DISP1: variants seen among roughly 807,000 people sequenced by gnomAD.
The protein encoded by DISP1 is dispatched RND transporter family member 1, also known as protein dispatched homolog 1.
Under a neutral mutation model 37.3 loss-of-function variants are expected in DISP1, and 30 were observed. The observed-to-expected ratio is 0.80, with a 90% CI of 0.60 to 1.09. DISP1 has a LOEUF of 1.09. Among genes scored for constraint, DISP1 ranks in the 50% least tolerant of loss-of-function variants. DISP1 has a pLI of 0.00. For missense variants in DISP1, 1,598 were observed against 1,879.5 expected (o/e 0.85, Z 2.77); for synonymous variants, 634 against 690.2 (o/e 0.92, Z 1.28).
At chr1:222,996,167 G>A (rs1679055213) in intron 8 of DISP1, among the ~76,000 whole-genome samples, 1 of 152,096 alleles carries the variant, frequency 6.6e-6, no homozygotes, top group African/African-American at 2.4e-5. Context: ...TTTCTTAATT[G>A]GTGATCAATT....
intron 3 of DISP1, chr1:222,946,040 G>C (rs1201227319): frequency 6.6e-6 from 1 of 152,010 alleles, no homozygotes; most frequent in South Asian, 2.1e-4. Flanking sequence ...AAGTAGATTA[G>C]TATGAAGGAA....
intron 1 of DISP1, among the ~76,000 whole-genome samples, chr1:222,862,697 T>G (rs1668949247): frequency 6.6e-6 from 1 of 152,018 alleles, no homozygotes; most frequent in African/African-American, 2.4e-5. Flanking sequence ...CACGCTTGGG[T>G]CATTTTTAAA....
In DISP1 at chr1:222,976,599, A is replaced by G. The variant is rs564881411; in HGVS notation, c.510-6481A>G. Among the ~76,000 whole-genome samples, 9 of 152,100 alleles carry G rather than the reference A, an allele frequency of 5.9e-5. No individual in the cohort carries two copies. The South Asian group carries it at 1.5e-3, about 25-fold the overall frequency. ...TTGACAGTCTCTACTTACTGTCTCA[A>G]ATTTTTTTAACATAAAATGAAATCT... On this transcript the variant is annotated intron_variant, in intron 3 of 8. Coordinates refer to ENST00000675850, the MANE Select transcript of DISP1 (RefSeq NM_001377229.1).
intron 6 of DISP1, 79 bp downstream of exon 6, chr1:222,991,726 A>G: frequency 1.4e-6 from 2 of 1,455,418 alleles, no homozygotes; most frequent in East Asian, 2.4e-5. Flanking sequence ...TGCCTAAACA[A>G]AAAATTTAAA....
chr1:222,972,878 T>G (rs1332983788), intron 3 of DISP1, among the ~76,000 whole-genome samples: 3 of 152,212 alleles, frequency 2.0e-5, no homozygotes, highest in African/African-American at 7.2e-5. Context: ...TCTGACTGTG[T>G]AGTCTCTATT....
intron 4 of DISP1, chr1:222,989,636 G>C: frequency 1.2e-6 from 1 of 823,924 alleles, no homozygotes; most frequent in African/African-American, 1.8e-5. Flanking sequence ...GATTGTAGTA[G>C]CTGGAGAGTA....
chr1:223,004,030 G>C lies in DISP1; in HGVS notation c.2633G>C (p.Ser878Thr). The C allele has an allele frequency of 6.2e-7, 1 of 1,614,148 alleles. No homozygotes were observed. Among genetic ancestry groups the C allele is most frequent in the Non-Finnish European group, 8.5e-7 (1 of 1,180,032 alleles). Reference sequence around the variant, plus strand: ...CTGTACCCATGCTGCAGCCACTGGAGCTTCCCCTACAAGCAAGAGATTTTT... The same window carrying C: ...CTGTACCCATGCTGCAGCCACTGGACCTTCCCCTACAAGCAAGAGATTTTT... The part of the protein sequence containing the change: ...PALYPCCSHW[S>T]FPYKQEIFEL... The change falls in exon 9 of 9, where the codon AGC (serine) becomes ACC (threonine). Residue 878 changes from serine to threonine, a missense_variant. By Grantham distance (58) the Ser-to-Thr change is moderately conservative. Coordinates refer to ENST00000675850, the MANE Select transcript of DISP1 (RefSeq NM_001377229.1). This position sits in a 1 kb window ranked among gnomAD's most constrained non-coding sequence, Gnocchi z 4.9.
intron 3 of DISP1, among the ~76,000 whole-genome samples, chr1:222,982,197 G>A (rs1558067803): frequency 6.6e-6 from 1 of 152,136 alleles, no homozygotes; most frequent in Non-Finnish European, 1.5e-5. Context: ...TATTTGTTCT[G>A]CAATCTATGG....
chr1:222,862,585 A>G (rs889499193), intron 1 of DISP1, among the ~76,000 whole-genome samples: 1 of 149,062 alleles, frequency 6.7e-6, no homozygotes, highest in East Asian at 2.0e-4. Context: ...AGTACAGTCC[A>G]GGCTAGGTGC....
intron 1 of DISP1, among the ~76,000 whole-genome samples, chr1:222,851,216 G>A (rs974768487): frequency 2.6e-5 from 4 of 151,768 alleles, no homozygotes; most frequent in Admixed American, 2.6e-4. Context: ...ACAGGCATAC[G>A]GCACCACACC....
chr1:222,960,218 G>T (rs1675950102), intron 3 of DISP1, among the ~76,000 whole-genome samples: 1 of 152,140 alleles, frequency 6.6e-6, no homozygotes, highest in Admixed American at 6.5e-5. Context: ...CGACCACATA[G>T]TTGGAAGTAA....
intron 4 of DISP1, among the ~76,000 whole-genome samples, chr1:222,985,761 G>A (rs888600383): frequency 6.6e-6 from 1 of 152,216 alleles, no homozygotes; most frequent in Non-Finnish European, 1.5e-5. Context: ...CTGAGGGCAA[G>A]ATCCAAGTCT....
intron 3 of DISP1, among the ~76,000 whole-genome samples, chr1:222,965,306 T>C (rs1396451385): frequency 1.3e-5 from 2 of 152,324 alleles, no homozygotes; most frequent in East Asian, 3.9e-4. Flanking sequence ...TATTGTAATA[T>C]ATGTCAAGTG....
chr1:222,967,135 A>ATC lies in DISP1; in HGVS notation c.510-15943_510-15942dup, dbSNP rs750395873. Among the ~76,000 whole-genome samples the ATC allele has an allele frequency of 3.7e-3, 570 of 152,022 alleles. 3 individuals carry two copies. Among genetic ancestry groups the ATC allele is most frequent in the Middle Eastern group, 0.01 (3 of 294 alleles). Reference sequence around the variant, plus strand: ...GGGGAATAGATCTACATATATATATATCTACATTATATATATACATGTATA... The same window carrying ATC: ...GGGGAATAGATCTACATATATATATATCTCTACATTATATATATACATGTATA... On this transcript the variant is annotated intron_variant, in intron 3 of 8. Coordinates refer to ENST00000675850, the MANE Select transcript of DISP1 (RefSeq NM_001377229.1).
At chr1:222,888,571 T>C (rs1670770876) in intron 1 of DISP1, among the ~76,000 whole-genome samples, 1 of 152,110 alleles carries the variant, frequency 6.6e-6, no homozygotes, top group Non-Finnish European at 1.5e-5. Context: ...CCCAAAGTAA[T>C]GGGAGAAGCT....
intron 3 of DISP1, among the ~76,000 whole-genome samples, chr1:222,951,366 C>CA (rs11296425): frequency 3.1e-3 from 448 of 145,642 alleles, no homozygotes; most frequent in Middle Eastern, 0.021. Flanking sequence ...TCTTTTAAAA[C>CA]AAAAAAAAAA....
chr1:222,844,612 G>A (rs982070989), intron 1 of DISP1, among the ~76,000 whole-genome samples: 4 of 152,084 alleles, frequency 2.6e-5, no homozygotes, highest in African/African-American at 9.7e-5. Context: ...TGAAGTTAGT[G>A]TAAATTTGCA....
At chr1:222,880,047 C>T (rs1670192451) in intron 1 of DISP1, among the ~76,000 whole-genome samples, 1 of 151,562 alleles carries the variant, frequency 6.6e-6, no homozygotes, top group Non-Finnish European at 1.5e-5. Context: ...TAATCCATGA[C>T]TGAAATACCT....
chr1:222,874,976 C>T lies in DISP1; in HGVS notation c.-158-53454C>T, dbSNP rs561430381. Among the ~76,000 whole-genome samples the T allele has an allele frequency of 1.2e-4, 19 of 152,126 alleles. No homozygotes were observed. In the East Asian group the frequency reaches 3.7e-3, roughly 29 times the overall value. ...CTCTTAATACCTACTATTATTACAA[C>T]TCTTAGTGAAAATTAGATAGTTATC... On this transcript the variant is annotated intron_variant, in intron 1 of 8. Coordinates refer to ENST00000675850, the MANE Select transcript of DISP1 (RefSeq NM_001377229.1).
Sources: allele counts gnomAD v4.1 joint callset (sites outside exome capture counted in the v4.1 genomes callset), GRCh38; gene constraint gnomAD v4.1.1; non-coding constraint Gnocchi (gnomAD v3.1); transcripts MANE v1.5; gene names NCBI Gene and HGNC (gene_info 2026-07-23, HGNC 2026-07-21).